WDR70: variants seen among roughly 807,000 people sequenced by gnomAD.
The protein encoded by WDR70 is WD repeat domain 70.
In WDR70, 53 loss-of-function variants were observed where a neutral mutation model predicts 88.6. The ratio of observed to expected loss-of-function variants is 0.60; its 90% confidence interval spans 0.48 to 0.75. The LOEUF is 0.75. Among genes scored for constraint, WDR70 ranks in the 30% least tolerant of loss-of-function variants. The pLI, the probability that WDR70 is intolerant of heterozygous loss-of-function variation, is 0.00. For missense variants in WDR70, 610 were observed against 823.2 expected (o/e 0.74, Z 3.17); for synonymous variants, 280 against 270.0 (o/e 1.04, Z -0.36).
At chr5:37,652,547 C>T (rs1399819454) in intron 10 of WDR70, among the ~76,000 whole-genome samples, 2 of 152,172 alleles carry the variant, frequency 1.3e-5, no homozygotes, top group African/African-American at 2.4e-5. Context: ...GCCATTTTCA[C>T]GACATTGATT....
chr5:37,448,475 C>T (rs562069786), intron 7 of WDR70, among the ~76,000 whole-genome samples: 76 of 152,104 alleles, frequency 5.0e-4, no homozygotes, highest in African/African-American at 1.6e-3. Context: ...AATATAGACG[C>T]GTATGTATTC....
intron 17 of WDR70, among the ~76,000 whole-genome samples, chr5:37,744,866 A>G (rs1561102370): frequency 6.6e-6 from 1 of 152,180 alleles, no homozygotes; most frequent in Non-Finnish European, 1.5e-5. Flanking sequence ...ACACTTCAGG[A>G]TATTTTCCAG....
At chr5:37,388,477 T>C (rs1748699794) in intron 3 of WDR70, among the ~76,000 whole-genome samples, 1 of 148,272 alleles carries the variant, frequency 6.7e-6, no homozygotes, top group African/African-American at 2.5e-5. Flanking sequence ...GTGGCTCATG[T>C]CTGTAATCCT....
chr5:37,419,657 T>C (rs1401598361), intron 5 of WDR70, among the ~76,000 whole-genome samples: 1 of 151,452 alleles, frequency 6.6e-6, no homozygotes, highest in African/African-American at 2.4e-5. Flanking sequence ...CTACTAAAAA[T>C]ACAAAAAATT....
chr5:37,599,083 G>A (rs1029230699), intron 9 of WDR70, among the ~76,000 whole-genome samples: 1 of 152,212 alleles, frequency 6.6e-6, no homozygotes, highest in African/African-American at 2.4e-5. Context: ...TTTTCTTGAA[G>A]GACTACATAA....
chr5:37,623,549 T>C (rs946470541), intron 10 of WDR70, among the ~76,000 whole-genome samples: 11 of 152,154 alleles, frequency 7.2e-5, no homozygotes, highest in African/African-American at 2.7e-4. Flanking sequence ...ATTCTAAAAG[T>C]TATCTGGTTT....
At chr5:37,445,965 A>G (rs1389589619) in intron 7 of WDR70, among the ~76,000 whole-genome samples, 1 of 152,162 alleles carries the variant, frequency 6.6e-6, no homozygotes, top group Admixed American at 6.6e-5. Context: ...AAAGAAATAA[A>G]GGGTATTCAG....
At chr5:37,406,159 T>G (rs1749346182) in intron 5 of WDR70, among the ~76,000 whole-genome samples, 1 of 152,168 alleles carries the variant, frequency 6.6e-6, no homozygotes, top group African/African-American at 2.4e-5. Flanking sequence ...AAACAGAGTC[T>G]TAAATACCAG....
At chr5:37,394,419 G>C (rs1322955293) in intron 4 of WDR70, among the ~76,000 whole-genome samples, 1 of 152,126 alleles carries the variant, frequency 6.6e-6, no homozygotes, top group Non-Finnish European at 1.5e-5. Flanking sequence ...TACTTACTGA[G>C]CATCTACTGT....
At chr5:37,528,846 C>T (rs558211893) in intron 9 of WDR70, among the ~76,000 whole-genome samples, 6 of 146,458 alleles carry the variant, frequency 4.1e-5, no homozygotes, top group East Asian at 2.0e-4. Context: ...TCTTTGTGTT[C>T]GTTGCATTTC....
chr5:37,387,975 G>A (rs1023412844), intron 3 of WDR70, among the ~76,000 whole-genome samples: 2 of 152,066 alleles, frequency 1.3e-5, no homozygotes, highest in African/African-American at 4.8e-5. Context: ...GTTGCTAAGT[G>A]CACTAGTGGA....
chr5:37,564,506 G>C (rs962821807), intron 9 of WDR70, among the ~76,000 whole-genome samples: 1 of 151,400 alleles, frequency 6.6e-6, no homozygotes. Flanking sequence ...CGGCATCAGG[G>C]GGAGACCGTG....
chr5:37,680,654 G>A (rs1020972721), intron 10 of WDR70, among the ~76,000 whole-genome samples: 25 of 152,186 alleles, frequency 1.6e-4, no homozygotes, highest in South Asian at 1.2e-3. Context: ...ATTAAATAGG[G>A]AATTCTTTAC....
At chr5:37,543,451 T>G (rs1321871909) in intron 9 of WDR70, among the ~76,000 whole-genome samples, 1 of 152,050 alleles carries the variant, frequency 6.6e-6, no homozygotes, top group Non-Finnish European at 1.5e-5. Context: ...TTCTTTTAAA[T>G]GGTATAGCAA....
chr5:37,609,288 A>T (rs919838081), intron 10 of WDR70, among the ~76,000 whole-genome samples: 1 of 152,184 alleles, frequency 6.6e-6, no homozygotes, highest in Admixed American at 6.5e-5. Flanking sequence ...ATGTCTCTTT[A>T]TAATTCTGGG....
rs1747984529 is a variant in WDR70, at chr5:37,726,863, T to C, written c.1715-20T>C. 1 of 1,571,446 alleles carries C rather than the reference T, an allele frequency of 6.4e-7. No individual in the cohort carries two copies. The highest frequency in any genetic ancestry group is 8.6e-7 in the Non-Finnish European group (1 of 1,163,026). On this transcript the variant is annotated intron_variant, in intron 16 of 17. Coordinates refer to ENST00000265107, the MANE Select transcript of WDR70 (RefSeq NM_018034.4). ...CATGCTCATTCAGTTTCTAATTTGGTTTTTTTTCTTTTGCAATAGGTCGTG... is the reference window on the plus strand; with the variant it reads ...CATGCTCATTCAGTTTCTAATTTGGCTTTTTTTCTTTTGCAATAGGTCGTG...
At chr5:37,453,838 C>A (rs1738749907) in intron 7 of WDR70, among the ~76,000 whole-genome samples, 1 of 152,150 alleles carries the variant, frequency 6.6e-6, no homozygotes, top group Non-Finnish European at 1.5e-5. Context: ...CATGTTTCAG[C>A]TCAAATGTCA....
chr5:37,688,746 C>G (rs1243148644), intron 10 of WDR70, among the ~76,000 whole-genome samples: 1 of 114,942 alleles, frequency 8.7e-6, no homozygotes, highest in Admixed American at 1.1e-4. Flanking sequence ...CAGCTCTGGT[C>G]TGCAGCTCCC....
At chr5:37,445,982 AAAG>A (rs931781632) in intron 7 of WDR70, among the ~76,000 whole-genome samples, 4 of 152,188 alleles carry the variant, frequency 2.6e-5, no homozygotes, top group African/African-American at 9.7e-5. Flanking sequence ...TCAGTTAGAA[AAAG>A]AGGAATTGAA....
Sources: gnomAD v4.1 joint callset for allele counts (sites outside exome capture counted in the v4.1 genomes callset) on GRCh38, gnomAD v4.1.1 for gene constraint, MANE v1.5 for transcripts, NCBI Gene and HGNC (gene_info 2026-07-23, HGNC 2026-07-21) for gene names.